Variants in KAZN observed in about 807,000 individuals in gnomAD.
The protein encoded by KAZN is kazrin.
A neutral mutation model predicts 87.4 loss-of-function variants in KAZN; 40 were observed. The observed-to-expected ratio is 0.46, with a 90% CI of 0.36 to 0.60. KAZN has a LOEUF of 0.60. KAZN is among the 20% of genes least tolerant of loss of function. The pLI is 0.00. For synonymous variants in KAZN, 466 were observed against 458.3 expected, an observed-to-expected ratio of 1.02 and a Z score of -0.22; for missense variants, 898 against 1,073.9, an observed-to-expected ratio of 0.84 and a Z score of 2.29.
chr1:14,628,238 G>A (rs539667773), intron 1 of KAZN, among the ~76,000 whole-genome samples: 1 of 152,298 alleles, frequency 6.6e-6, no homozygotes, highest in South Asian at 2.1e-4. Context: ...TTGAAAGGAC[G>A]ACCTTTTGTC....
chr1:14,075,734 G>A (rs1240026050), intron 1 of KAZN, among the ~76,000 whole-genome samples: 1 of 152,156 alleles, frequency 6.6e-6, no homozygotes, highest in Non-Finnish European at 1.5e-5. Context: ...ACCAGGGAGA[G>A]CAGCAACACT....
intron 2 of KAZN, among the ~76,000 whole-genome samples, chr1:14,411,175 C>T (rs1352636952): frequency 6.6e-6 from 1 of 152,190 alleles, no homozygotes; most frequent in Non-Finnish European, 1.5e-5. Context: ...ACCAGAATGA[C>T]AGTATGTTTT....
At chr1:14,671,325 A>G (rs753244894) in intron 1 of KAZN, among the ~76,000 whole-genome samples, 3 of 152,262 alleles carry the variant, frequency 2.0e-5, no homozygotes, top group Non-Finnish European at 4.4e-5. Flanking sequence ...TGCAGTACCA[A>G]GAACAGTGCC....
chr1:14,460,943 A>G (rs1667819332), intron 2 of KAZN, among the ~76,000 whole-genome samples: 3 of 152,220 alleles, frequency 2.0e-5, no homozygotes, highest in Admixed American at 6.5e-5. Context: ...TCCTGAGCCC[A>G]TGCAGCATGC....
chr1:14,701,493 C>T (rs1641918186), intron 1 of KAZN, among the ~76,000 whole-genome samples: 1 of 152,212 alleles, frequency 6.6e-6, no homozygotes, highest in South Asian at 2.1e-4. Context: ...AGTCCACACT[C>T]AAACAAGAGA....
intron 2 of KAZN, among the ~76,000 whole-genome samples, chr1:14,197,841 G>A (rs184354379): frequency 3.9e-5 from 6 of 152,284 alleles, no homozygotes; most frequent in East Asian, 1.9e-4. Flanking sequence ...AAACATGAGC[G>A]TTCTAAAAAA....
chr1:14,644,715 C>T (rs541149853), intron 1 of KAZN, among the ~76,000 whole-genome samples: 1 of 152,282 alleles, frequency 6.6e-6, no homozygotes, highest in African/African-American at 2.4e-5. Flanking sequence ...AGACCTTTAT[C>T]AGATGCATGG....
At chr1:14,754,135 AC>A (rs1338643110) in intron 1 of KAZN, among the ~76,000 whole-genome samples, 1 of 151,764 alleles carries the variant, frequency 6.6e-6, no homozygotes, top group Non-Finnish European at 1.5e-5. Flanking sequence ...CTTGGCAGAG[AC>A]CCCCTGATCT....
At chr1:14,700,049 A>G (rs1336430167) in intron 1 of KAZN, among the ~76,000 whole-genome samples, 1 of 152,194 alleles carries the variant, frequency 6.6e-6, no homozygotes, top group Non-Finnish European at 1.5e-5. Flanking sequence ...GACAGCCTCC[A>G]TCACAAGCAA....
At chr1:14,068,366 T>TG (rs764807997) in intron 1 of KAZN, among the ~76,000 whole-genome samples, 1 of 152,242 alleles carries the variant, frequency 6.6e-6, no homozygotes, top group South Asian at 2.1e-4. Context: ...CTTCTTACCT[T>TG]GTGGGCTCCA....
At chr1:15,103,078 C>G (rs1211924006) in intron 11 of KAZN, among the ~76,000 whole-genome samples, 1 of 152,256 alleles carries the variant, frequency 6.6e-6, no homozygotes, top group African/African-American at 2.4e-5. Context: ...GCCTGGCCAA[C>G]ATGGTGAAAC....
At position 14,972,967 on chromosome 1, in the gene KAZN, G is replaced by A. The variant is rs549374105; in HGVS notation, c.418+12092G>A. 8.5e-5 allele frequency among the ~76,000 whole-genome samples: 13 copies of A among 152,106 alleles called. No homozygotes were observed. In the East Asian group the frequency reaches 1.2e-3, roughly 14 times the overall value. On this transcript the variant is annotated intron_variant, in intron 2 of 14. Transcript: ENST00000376030. ...TTAGCAAAACGTATCGAGCACCTCC[G>A]AGAGCCGGCCCTATCCTGAGCATGC...
intron 2 of KAZN, among the ~76,000 whole-genome samples, chr1:14,186,419 T>C (rs1346099339): frequency 4.6e-5 from 7 of 152,068 alleles, no homozygotes; most frequent in African/African-American, 7.2e-5. Context: ...GGGTAGCTCA[T>C]AGGAAAAGAT....
intron 1 of KAZN, among the ~76,000 whole-genome samples, chr1:14,826,584 G>T (rs550112873): frequency 6.6e-6 from 1 of 152,074 alleles, no homozygotes; most frequent in South Asian, 2.1e-4. Context: ...TCTCAGCCTC[G>T]GTCCCGCGCT....
At chr1:14,445,245 C>T (rs1666917612) in intron 2 of KAZN, among the ~76,000 whole-genome samples, 1 of 151,956 alleles carries the variant, frequency 6.6e-6, no homozygotes, top group African/African-American at 2.4e-5. Context: ...AGGCTGGTCT[C>T]GAACTCCTGA....
At chr1:14,330,465 C>A (rs979496428) in intron 2 of KAZN, among the ~76,000 whole-genome samples, 2 of 152,076 alleles carry the variant, frequency 1.3e-5, no homozygotes, top group Admixed American at 6.5e-5. Flanking sequence ...CTCCTTCCAG[C>A]CAGACCACAC....
At chr1:14,711,580 G>A (rs1642489537) in intron 1 of KAZN, among the ~76,000 whole-genome samples, 1 of 152,208 alleles carries the variant, frequency 6.6e-6, no homozygotes, top group Non-Finnish European at 1.5e-5. Context: ...ATGAAGGACA[G>A]TGATTGCTGT....
At chr1:14,974,094 A>G (rs1665367290) in intron 2 of KAZN, among the ~76,000 whole-genome samples, 1 of 151,996 alleles carries the variant, frequency 6.6e-6, no homozygotes, top group Non-Finnish European at 1.5e-5. Context: ...CGGCAACCAC[A>G]TGCCCATTTG....
intron 3 of KAZN, among the ~76,000 whole-genome samples, chr1:15,042,831 G>A (rs1673055996): frequency 6.6e-6 from 1 of 152,192 alleles, no homozygotes; most frequent in African/African-American, 2.4e-5. Context: ...TCTCTCCACG[G>A]TCCCAGGCCA....
Sources: gnomAD v4.1 joint callset for allele counts (sites outside exome capture counted in the v4.1 genomes callset) on GRCh38, gnomAD v4.1.1 for gene constraint, MANE v1.5 for transcripts, NCBI Gene and HGNC (gene_info 2026-07-23, HGNC 2026-07-21) for gene names.